The following NPM1 variants were observed in gnomAD, a reference collection of about 807,000 sequenced individuals.
NPM1 encodes the protein nucleophosmin.
In NPM1, 1 loss-of-function variant was observed where a neutral mutation model predicts 44.1. That is an observed-to-expected ratio of 0.02 (90% confidence interval 0.01 to 0.11). The LOEUF (loss-of-function observed/expected upper bound fraction) is 0.11, where lower values mean the gene tolerates loss of function less well. Among genes scored for constraint, NPM1 ranks in the 10% least tolerant of loss-of-function variants. The probability of loss-of-function intolerance (pLI) is 1.00; values close to 1 mark genes in which losing one functional copy is unlikely to be tolerated. For synonymous variants in NPM1, 126 were observed against 111.8 expected, an observed-to-expected ratio of 1.13 and a Z score of -0.80; for missense variants, 197 against 347.8, an observed-to-expected ratio of 0.57 and a Z score of 3.45.
intron 4 of NPM1, among the ~76,000 whole-genome samples, 172 bp from the exon 5 acceptor site, chr5:171,392,538 A>G (rs960528821): frequency 2.0e-5 from 3 of 150,934 alleles, no homozygotes; most frequent in Non-Finnish European, 1.5e-5. Context: ...GGCAGTGAAC[A>G]TTAGGCCTCA....
chr5:171,403,801 T>C (rs1771395242), intron 8 of NPM1, among the ~76,000 whole-genome samples: 1 of 87,150 alleles, frequency 1.1e-5, no homozygotes, highest in Non-Finnish European at 2.3e-5. Flanking sequence ...CACTTCCCAG[T>C]AGGGGCGGCC....
intron 1 of NPM1, among the ~76,000 whole-genome samples, chr5:171,389,282 T>C (rs549559779): frequency 7.0e-4 from 106 of 152,358 alleles, no homozygotes; most frequent in Admixed American, 1.2e-3. Context: ...CTGTTCACAT[T>C]TAAGCATGTA....
chr5:171,404,722 C>A (rs1488983794), intron 8 of NPM1, among the ~76,000 whole-genome samples: 7 of 144,534 alleles, frequency 4.8e-5, no homozygotes, highest in African/African-American at 1.3e-4. Context: ...CTCCTCACTT[C>A]CCAGACGGGG....
chr5:171,391,307 C>A lies in NPM1; in HGVS notation c.141C>A (p.Val47=), dbSNP rs771256760. The change falls in exon 3 of 11, where the codon GTC becomes GTA. Residue 47 remains valine (V), a splice_region_variant and synonymous_variant. Transcript: ENST00000296930. ...TAGTATTTTTTTTTTGTTCACAGGT[C>A]AGTTTAGGGGCTGGTGCAAAGGATG... ...ENEHQLSLRT[V]SLGAGAKDEL... The A allele has an allele frequency of 1.2e-6, 2 of 1,606,664 alleles. No homozygotes were observed. The highest frequency in any genetic ancestry group is 1.1e-5 in the South Asian group (1 of 89,286).
chr5:171,404,249 C>G (rs1266099034), intron 8 of NPM1, among the ~76,000 whole-genome samples: 1 of 104,658 alleles, frequency 9.6e-6, no homozygotes, highest in Non-Finnish European at 2.0e-5. Flanking sequence ...CCCCCCACCT[C>G]CCTCCCGGAC....
intron 6 of NPM1, among the ~76,000 whole-genome samples, chr5:171,394,444 G>A (rs1297344482): frequency 6.6e-6 from 1 of 152,056 alleles, no homozygotes; most frequent in Non-Finnish European, 1.5e-5. Context: ...AAAGTGCTGG[G>A]ATTACAGGCA....
At chr5:171,402,039 G>T (rs1265793056) in intron 8 of NPM1, among the ~76,000 whole-genome samples, 1 of 137,720 alleles carries the variant, frequency 7.3e-6, no homozygotes, top group Non-Finnish European at 1.6e-5. Flanking sequence ...TATTCTTAGG[G>T]ATTTTCTGAT....
At chr5:171,400,238 T>A (rs1308224791) in intron 7 of NPM1, 28 bp downstream of exon 7, 12 of 1,612,866 alleles carry the variant, frequency 7.4e-6, no homozygotes, top group Middle Eastern at 1.7e-4. Flanking sequence ...TACAAGGTTG[T>A]TAAACTAACA....
Position 171,400,140 on chromosome 5 carries a change from A to G in NPM1, c.525-13A>G, listed in dbSNP as rs900363025. 2.7e-6 allele frequency: 4 copies of G among 1,474,028 alleles called. No homozygotes were observed. Among genetic ancestry groups the G allele is most frequent in the Non-Finnish European group, 3.8e-6 (4 of 1,053,908 alleles). 91.3% of individuals were successfully genotyped at this position (1,474,028 alleles called of 1,614,324 possible). A position where few individuals can be genotyped will look rare whatever the true frequency, so the allele number is the denominator to read the frequency against. ...TTTTGAAAGTGCTTAATGTCTTGAC[A>G]TTTCATTTGTAGTGATGATGATGAT... On this transcript the variant is annotated splice_polypyrimidine_tract_variant and intron_variant, in intron 6 of 10. Coordinates refer to ENST00000296930, the MANE Select transcript of NPM1 (RefSeq NM_002520.7).
intron 4 of NPM1, 96 bp downstream of exon 4, chr5:171,391,895 T>C: frequency 3.2e-6 from 2 of 632,410 alleles, no homozygotes; most frequent in Non-Finnish European, 5.5e-6. Flanking sequence ...ATAGTACTAC[T>C]GTCTTTTTAA....
intron 8 of NPM1, among the ~76,000 whole-genome samples, chr5:171,401,601 G>A (rs1771206598): frequency 6.6e-6 from 1 of 151,956 alleles, no homozygotes; most frequent in Non-Finnish European, 1.5e-5. Context: ...CAGGCCCAGC[G>A]TATTTTTGTA....
rs578124673 is a variant in NPM1 at position 171,394,110 on chromosome 5, C to T, written c.524+1132C>T. ...AGGCTGGAGTGCGGTGGCGCCATCTCGGCTCACCACAACCTCTGCCTCCTG... is the reference window on the plus strand; with the variant it reads ...AGGCTGGAGTGCGGTGGCGCCATCTTGGCTCACCACAACCTCTGCCTCCTG... On this transcript the variant is annotated intron_variant, in intron 6 of 10. Transcript: ENST00000296930. Among the ~76,000 whole-genome samples, 691 of 141,848 alleles carry T rather than the reference C, an allele frequency of 4.9e-3. 3 individuals are homozygous for T. The highest frequency in any genetic ancestry group is 0.017 in the African/African-American group (646 of 37,926). 93.1% of individuals were successfully genotyped at this position (141,848 alleles called of 152,430 possible).
chr5:171,410,502 C>T lies in NPM1; in HGVS notation c.847-25C>T, dbSNP rs374014291. The T allele has an allele frequency of 5.3e-5, 79 of 1,492,632 alleles. No homozygotes were observed. The African/African-American group carries it at 9.7e-4, about 18-fold the overall frequency. 92.5% of individuals were successfully genotyped at this position (1,492,632 alleles called of 1,614,324 possible). ...CTATGAAGTGTTGTGGTTCCTTAAC[C>T]ACATTTCTTTTTTTTTTTTTCCAGG... On this transcript the variant is annotated intron_variant, in intron 10 of 10. Coordinates refer to ENST00000296930, the MANE Select transcript of NPM1 (RefSeq NM_002520.7).
Position 171,410,601 on chromosome 5 carries a change from G to T in NPM1, c.*36G>T. 7.6e-7 allele frequency: 1 copy of T among 1,312,038 alleles called. No homozygotes were observed. The highest frequency in any genetic ancestry group is 1.1e-6 in the Non-Finnish European group (1 of 944,412). The allele number at this position is 1,312,038 out of a possible 1,614,324, so 81.3% of individuals were successfully genotyped here. A position where few individuals can be genotyped will look rare whatever the true frequency, so the allele number is the denominator to read the frequency against. On this transcript the variant is annotated 3_prime_UTR_variant, in exon 11 of 11. Coordinates refer to ENST00000296930, the MANE Select transcript of NPM1 (RefSeq NM_002520.7). ...TAAACAATTTGTTAAAAAATTTTCC[G>T]TCTTATTTCATTTCTGTAACAGTTG... is the stretch of plus-strand genomic sequence containing the variant.
chr5:171,405,485 GT>G lies in NPM1; in HGVS notation c.771+89del, dbSNP rs1771515275. ...GTTTGCATAGACTTGAATGTTTCTT[GT>G]TTTTTTGTTTGTTTTGGTTTAATAT... On this transcript the variant is annotated intron_variant, in intron 9 of 10. Transcript: ENST00000296930. 14 of 700,840 alleles carry G rather than the reference GT, an allele frequency of 2.0e-5. No homozygotes were observed. In the South Asian group the frequency reaches 2.2e-4, roughly 11 times the overall value. 43.4% of individuals were successfully genotyped at this position (700,840 alleles called of 1,614,324 possible).
chr5:171,397,310 A>C (rs1294189015), intron 6 of NPM1, among the ~76,000 whole-genome samples: 2 of 152,180 alleles, frequency 1.3e-5, no homozygotes, highest in East Asian at 3.8e-4. Context: ...AGTTGCTTCT[A>C]CTTGTTGACT....
intron 1 of NPM1, among the ~76,000 whole-genome samples, chr5:171,388,238 G>T (rs1473323755): frequency 1.3e-5 from 2 of 152,186 alleles, no homozygotes; most frequent in African/African-American, 4.8e-5. Flanking sequence ...CGTCTGGGGC[G>T]TGAGCGGTCC....
intron 6 of NPM1, among the ~76,000 whole-genome samples, chr5:171,395,696 A>G (rs1392739057): frequency 6.6e-6 from 1 of 152,244 alleles, no homozygotes; most frequent in Admixed American, 6.5e-5. Flanking sequence ...ATAGATGGCA[A>G]TGAAAATGCA....
At chr5:171,401,929 G>T (rs1581252297) in intron 8 of NPM1, among the ~76,000 whole-genome samples, 2 of 152,044 alleles carry the variant, frequency 1.3e-5, no homozygotes, top group South Asian at 4.2e-4. Flanking sequence ...AGGAAAAAAA[G>T]TTTAAAGGAA....
Sources: gnomAD v4.1 joint callset for allele counts (sites outside exome capture counted in the v4.1 genomes callset) on GRCh38, gnomAD v4.1.1 for gene constraint, MANE v1.5 for transcripts, NCBI Gene and HGNC (gene_info 2026-07-23, HGNC 2026-07-21) for gene names.